Variants in HIVEP3 observed in about 807,000 individuals in gnomAD.
HIVEP3 encodes transcription factor HIVEP3.
In HIVEP3, 49 loss-of-function variants were observed where a neutral mutation model predicts 152.8. The observed-to-expected ratio is 0.32, with a 90% confidence interval of 0.26 to 0.41. The LOEUF is 0.41. HIVEP3 is among the 10% of genes least tolerant of loss of function. HIVEP3 has a pLI of 1.00. For synonymous variants in HIVEP3, 1,269 were observed against 1,289.0 expected, an observed-to-expected ratio of 0.98 and a Z score of 0.33; for missense variants, 2,790 against 3,103.3, an observed-to-expected ratio of 0.90 and a Z score of 2.40.
intron 1 of HIVEP3, among the ~76,000 whole-genome samples, chr1:42,028,533 C>T (rs777687331): frequency 1.3e-5 from 2 of 152,284 alleles, no homozygotes; most frequent in Non-Finnish European, 2.9e-5. Flanking sequence ...GGCTCCTCAG[C>T]TTACTGACTC....
intron 1 of HIVEP3, among the ~76,000 whole-genome samples, chr1:41,788,535 C>G (rs1167376470): frequency 2.6e-5 from 4 of 152,230 alleles, no homozygotes; most frequent in African/African-American, 9.6e-5. Flanking sequence ...TCAAAGCACC[C>G]TGGAGTCTGC....
At chr1:41,768,732 G>A (rs1352079244) in intron 1 of HIVEP3, among the ~76,000 whole-genome samples, 1 of 152,230 alleles carries the variant, frequency 6.6e-6, no homozygotes, top group Non-Finnish European at 1.5e-5. Context: ...ACACTGAGGA[G>A]TTGCTGCTTC....
In HIVEP3 at chr1:41,662,862, A is replaced by G. The variant is rs1310789713; in HGVS notation, c.-720-33915T>C. Among the ~76,000 whole-genome samples the G allele has an allele frequency of 6.6e-6, 1 of 151,946 alleles. No individual in the cohort carries two copies. The highest frequency in any genetic ancestry group is 2.4e-5 in the African/African-American group (1 of 41,394). On this transcript the variant is annotated intron_variant, in intron 2 of 8. Coordinates refer to ENST00000372583, the MANE Select transcript of HIVEP3 (RefSeq NM_024503.5). This position sits in a 1 kb window ranked among gnomAD's most constrained non-coding sequence, Gnocchi z 7.2. ...CAGCGGGAGTCCATCGCCGTCCCCAAAGTGTGCGCTCCCCGCCTTCCCCCT... is the reference window on the plus strand; with the variant it reads ...CAGCGGGAGTCCATCGCCGTCCCCAGAGTGTGCGCTCCCCGCCTTCCCCCT...
intron 1 of HIVEP3, among the ~76,000 whole-genome samples, chr1:41,910,819 G>T (rs1644783884): frequency 6.6e-6 from 1 of 151,916 alleles, no homozygotes; most frequent in African/African-American, 2.4e-5. Context: ...AAAGCTCTTT[G>T]CAAACTACAG....
chr1:41,876,184 A>G (rs1644168587), intron 1 of HIVEP3, among the ~76,000 whole-genome samples: 1 of 151,840 alleles, frequency 6.6e-6, no homozygotes, highest in Non-Finnish European at 1.5e-5. Context: ...TTTTTAAATG[A>G]TAACCTGATA....
At chr1:41,931,830 T>G (rs945135791) in intron 1 of HIVEP3, among the ~76,000 whole-genome samples, 1 of 152,040 alleles carries the variant, frequency 6.6e-6, no homozygotes, top group Non-Finnish European at 1.5e-5. Flanking sequence ...TAAACTCACT[T>G]ATTAGTCCTA....
Position 41,552,323 on chromosome 1 carries a change from C to T in HIVEP3, c.5207+23221G>A, listed in dbSNP as rs1424130048. Among the ~76,000 whole-genome samples the T allele has an allele frequency of 7.3e-5, 11 of 149,736 alleles. No individual in the cohort carries two copies. The South Asian group carries it at 1.5e-3, about 20-fold the overall frequency. On this transcript the variant is annotated intron_variant, in intron 5 of 8. Coordinates refer to ENST00000372583, the MANE Select transcript of HIVEP3 (RefSeq NM_024503.5). ...TGCTGGTGCGTTGCACCCACTAACT[C>T]GTCATCTAGCATTAGGTATATCTCC...
intron 1 of HIVEP3, among the ~76,000 whole-genome samples, chr1:41,757,184 C>T (rs916073466): frequency 6.6e-6 from 1 of 151,022 alleles, no homozygotes; most frequent in East Asian, 1.9e-4. Context: ...GGCGTGATCT[C>T]GGCTCACTGC....
At chr1:41,984,218 C>A (rs1006473953) in intron 1 of HIVEP3, among the ~76,000 whole-genome samples, 4 of 152,118 alleles carry the variant, frequency 2.6e-5, no homozygotes, top group Admixed American at 1.3e-4. Flanking sequence ...AGTGATTCTC[C>A]CACTCAGTCT....
chr1:41,569,379 T>G (rs1644219233), intron 5 of HIVEP3, among the ~76,000 whole-genome samples: 1 of 152,130 alleles, frequency 6.6e-6, no homozygotes, highest in South Asian at 2.1e-4. Context: ...ACTGTTTAGG[T>G]TCTTAGAGTG....
chr1:41,604,117 T>C (rs1318437604), intron 3 of HIVEP3, among the ~76,000 whole-genome samples: 1 of 152,186 alleles, frequency 6.6e-6, no homozygotes, highest in African/African-American at 2.4e-5. Context: ...GGACAATTGA[T>C]TGGCAAAGAC....
chr1:41,584,065 G>A lies in HIVEP3; in HGVS notation c.733C>T (p.Arg245Cys), dbSNP rs1376638578. Residue 245 changes from arginine (R) to cysteine (C), a missense_variant, in exon 4 of 9, where the codon CGC becomes TGC. This residue lies in a region of HIVEP3 where 125 missense variants were observed against 130.1 expected (regional missense o/e 0.96). Coordinates refer to ENST00000372583, the MANE Select transcript of HIVEP3 (RefSeq NM_024503.5). The surrounding 1 kb of genome is among the most constrained non-coding windows in gnomAD (Gnocchi z 5.2). ...LYKHRKSHAH[R>C]IKAGLASGMG... ...CCTGAGGCCAGGCCTGCTTTGATGC[G>A]GTGGGCATGGGACTTCCTGTGCTTG... is the stretch of plus-strand genomic sequence containing the variant. 2.5e-6 allele frequency: 4 copies of A among 1,614,060 alleles called. No homozygotes were observed. The highest frequency in any genetic ancestry group is 1.7e-6 in the Non-Finnish European group (2 of 1,180,040).
At chr1:41,805,334 C>G (rs1444125312) in intron 1 of HIVEP3, among the ~76,000 whole-genome samples, 1 of 152,222 alleles carries the variant, frequency 6.6e-6, no homozygotes, top group Non-Finnish European at 1.5e-5. Context: ...AAGACTCCCT[C>G]TCAAGACAAA....
At chr1:41,696,067 G>A (rs751475130) in intron 2 of HIVEP3, among the ~76,000 whole-genome samples, 6 of 152,182 alleles carry the variant, frequency 3.9e-5, no homozygotes, top group Non-Finnish European at 7.3e-5. Flanking sequence ...ACACAGGGCC[G>A]TCTTCAGGAC....
chr1:41,683,409 C>T (rs572941468), intron 2 of HIVEP3, among the ~76,000 whole-genome samples: 1 of 152,350 alleles, frequency 6.6e-6, no homozygotes, highest in Non-Finnish European at 1.5e-5. Flanking sequence ...CTGATGGGAA[C>T]TCCTCTTAGC....
chr1:41,927,390 A>C (rs1297137899), intron 1 of HIVEP3, among the ~76,000 whole-genome samples: 1 of 152,222 alleles, frequency 6.6e-6, no homozygotes, highest in Non-Finnish European at 1.5e-5. Flanking sequence ...CTACCCAAAA[A>C]TGCTGCAAGA....
At chr1:41,626,486 T>C (rs905078166) in intron 3 of HIVEP3, among the ~76,000 whole-genome samples, 22 of 151,720 alleles carry the variant, frequency 1.5e-4, no homozygotes, top group Non-Finnish European at 1.2e-4. Context: ...AAACAAAGAG[T>C]CTGGGCACGA....
chr1:41,712,936 CG>C (rs2124152353), intron 1 of HIVEP3, among the ~76,000 whole-genome samples: 1 of 152,318 alleles, frequency 6.6e-6, no homozygotes, highest in African/African-American at 2.4e-5. Flanking sequence ...CCTGACACAG[CG>C]GGGCAGGCTT....
intron 1 of HIVEP3, among the ~76,000 whole-genome samples, chr1:41,760,268 A>G (rs372036335): frequency 6.6e-6 from 1 of 152,232 alleles, no homozygotes; most frequent in African/African-American, 2.4e-5. Flanking sequence ...CATTCACTGG[A>G]AAGTGGTACC....
Sources: gnomAD v4.1 joint callset for allele counts (sites outside exome capture counted in the v4.1 genomes callset) on GRCh38, gnomAD v4.1.1 for gene constraint, gnomAD v4.1.1 regional missense constraint, Gnocchi (gnomAD v3.1) non-coding constraint, MANE v1.5 for transcripts, NCBI Gene and HGNC (gene_info 2026-07-23, HGNC 2026-07-21) for gene names.